The following KRABD1 variants were observed in gnomAD, a reference collection of about 807,000 sequenced individuals.
KRABD1 encodes the protein KRAB domain-containing protein 1.
chr3:42,941,431 T>C, the KRABD1 span: 1 of 1,405,934 alleles, frequency 7.1e-7, no homozygotes, highest in African/African-American at 1.4e-5. Flanking sequence ...TGACCCCAAA[T>C]AGCGATGTCA....
chr3:42,939,505 A>G, the KRABD1 span, among the ~76,000 whole-genome samples: 1 of 152,160 alleles, frequency 6.6e-6, no homozygotes, highest in African/African-American at 2.4e-5. Context: ...TTGGGCTACC[A>G]TGAATAAGAA....
At chr3:42,938,737 T>C in the KRABD1 span, 10 of 471,070 alleles carry the variant, frequency 2.1e-5, no homozygotes, top group African/African-American at 1.9e-4. Flanking sequence ...TAATAAGCAA[T>C]AACTAATGAA....
the KRABD1 span, chr3:42,938,950 T>C: frequency 6.6e-7 from 1 of 1,525,206 alleles, no homozygotes; most frequent in Non-Finnish European, 8.8e-7. Context: ...TTTTTTTCTA[T>C]CTCTGTACAT....
the KRABD1 span, chr3:42,941,986 C>T: frequency 1.3e-6 from 2 of 1,535,820 alleles, no homozygotes; most frequent in Admixed American, 2.0e-5. Context: ...CAGCTTTGGT[C>T]TCTCATCTGG....
the KRABD1 span, chr3:42,938,877 A>G: frequency 1.4e-5 from 22 of 1,524,104 alleles, no homozygotes; most frequent in Non-Finnish European, 1.8e-5. Flanking sequence ...TTTACCCAGA[A>G]AGGAATAAAA....
the KRABD1 span, chr3:42,941,107 G>T: frequency 3.4e-6 from 3 of 870,880 alleles, no homozygotes; most frequent in South Asian, 8.7e-5. Context: ...CTGTAGGCAC[G>T]TGAAGGACCC....
At chr3:42,940,158 G>C in the KRABD1 span, among the ~76,000 whole-genome samples, 1 of 152,202 alleles carries the variant, frequency 6.6e-6, no homozygotes, top group African/African-American at 2.4e-5. Context: ...TTAAAGGTGT[G>C]AGGCATGGGT....
At chr3:42,940,001 A>C in the KRABD1 span, among the ~76,000 whole-genome samples, 1 of 152,100 alleles carries the variant, frequency 6.6e-6, no homozygotes, top group Admixed American at 6.5e-5. Context: ...TTGATTATAG[A>C]TTTTACTTTC....
chr3:42,938,091 T>G, the KRABD1 span: 1 of 152,346 alleles, frequency 6.6e-6, no homozygotes, highest in Admixed American at 6.5e-5. Context: ...GATGAACTAA[T>G]TAAATGACCC....
chr3:42,941,310 AG>A, the KRABD1 span: 1 of 1,600,062 alleles, frequency 6.2e-7, no homozygotes, highest in Non-Finnish European at 8.5e-7. Context: ...GGCCTTGTAC[AG>A]GGATGTGATG....
chr3:42,938,023 CTTT>C, the KRABD1 span: 73 of 152,254 alleles, frequency 4.8e-4, no homozygotes, highest in African/African-American at 1.7e-3. Flanking sequence ...CAGGTGTTGT[CTTT>C]AATGCATAAA....
the KRABD1 span, among the ~76,000 whole-genome samples, chr3:42,940,691 A>C: frequency 6.6e-6 from 1 of 152,236 alleles, no homozygotes; most frequent in Admixed American, 6.5e-5. Flanking sequence ...CTACCTCTGC[A>C]TGAAGACAGG....
chr3:42,940,561 A>G, the KRABD1 span, among the ~76,000 whole-genome samples: 1 of 152,230 alleles, frequency 6.6e-6, no homozygotes, highest in Non-Finnish European at 1.5e-5. Context: ...GCTTGACTCC[A>G]GGGCTTAAAA....
chr3:42,942,294 T>C, the KRABD1 span, among the ~76,000 whole-genome samples: 15 of 152,320 alleles, frequency 9.8e-5, no homozygotes, highest in East Asian at 2.5e-3. Flanking sequence ...CTTTTATCCC[T>C]TGGGGATATG....
chr3:42,942,068 A>T, the KRABD1 span: 1 of 1,533,186 alleles, frequency 6.5e-7, no homozygotes, highest in South Asian at 1.2e-5. Flanking sequence ...AGCAGGCTGG[A>T]TAGGTGAGTT....
At chr3:42,939,041 TACTTTTATATATGTGTGTATGTGTAC>T in the KRABD1 span, 1 of 752,882 alleles carries the variant, frequency 1.3e-6, no homozygotes, top group Non-Finnish European at 2.1e-6. Context: ...ATATATAACA[TACTTTTATATATGTGTGTATGTGTAC>T]ACACACACAT....
At chr3:42,942,619 A>C in the KRABD1 span, 1 of 1,418,174 alleles carries the variant, frequency 7.1e-7, no homozygotes, top group Non-Finnish European at 9.4e-7. Flanking sequence ...CGAAATCGTC[A>C]ATGCTGGGAA....
the KRABD1 span, chr3:42,941,212 A>G: frequency 6.5e-7 from 1 of 1,544,716 alleles, no homozygotes; most frequent in Non-Finnish European, 8.7e-7. Flanking sequence ...GAAAGTAGGA[A>G]CTTGTCGTTT....
At chr3:42,941,097 CTG>C in the KRABD1 span, 1 of 741,716 alleles carries the variant, frequency 1.3e-6, no homozygotes, top group East Asian at 3.0e-5. Flanking sequence ...CACAAAAACT[CTG>C]TAGGCACGTG....
Sources: gnomAD v4.1 joint callset for allele counts (sites outside exome capture counted in the v4.1 genomes callset) on GRCh38, gnomAD v4.1.1 for gene constraint, MANE v1.5 for transcripts, NCBI Gene and HGNC (gene_info 2026-07-23, HGNC 2026-07-21) for gene names.